Variants in B3GALNT2 observed in about 807,000 individuals in gnomAD.
B3GALNT2 encodes UDP-GalNAc:beta-1,3-N-acetylgalactosaminyltransferase 2.
In B3GALNT2, 53 loss-of-function variants were observed where a neutral mutation model predicts 61.1. The observed-to-expected ratio is 0.87, with a 90% CI of 0.70 to 1.09. The LOEUF (loss-of-function observed/expected upper bound fraction) is 1.09. Ranked by LOEUF, B3GALNT2 falls within the 50% of genes least tolerant of loss-of-function variation. The pLI is 0.00. For missense variants in B3GALNT2, 544 were observed against 623.0 expected, an observed-to-expected ratio of 0.87 and a Z score of 1.35; for synonymous variants, 223 against 237.4, an observed-to-expected ratio of 0.94 and a Z score of 0.56.
At chr1:235,489,424 A>G (rs1684961530) in intron 2 of B3GALNT2, among the ~76,000 whole-genome samples, 156 bp from the exon 3 acceptor site, 1 of 152,144 alleles carries the variant, frequency 6.6e-6, no homozygotes, top group African/African-American at 2.4e-5. Context: ...ATGGGGGAAC[A>G]AGTAAACTGA....
At chr1:235,476,866 T>A (rs1209089257) in intron 5 of B3GALNT2, among the ~76,000 whole-genome samples, 4 of 148,876 alleles carry the variant, frequency 2.7e-5, no homozygotes, top group Non-Finnish European at 6.0e-5. Context: ...AAAAAAAAGA[T>A]ATAAAAAATT....
chr1:235,474,987 A>ATATATATATTTTTTTT (rs1180244284), intron 5 of B3GALNT2, among the ~76,000 whole-genome samples: 2 of 35,574 alleles, frequency 5.6e-5, no homozygotes, highest in Non-Finnish European at 4.9e-5. Context: ...ATATATATAT[A>ATATATATATTTTTTTT]TTTTTTTTTT....
At chr1:235,474,985 A>ATT (rs1558425516) in intron 5 of B3GALNT2, among the ~76,000 whole-genome samples, 105 of 37,778 alleles carry the variant, frequency 2.8e-3, no homozygotes, top group Middle Eastern at 0.019. Flanking sequence ...ATATATATAT[A>ATT]TATTTTTTTT....
rs868158210 is a variant in B3GALNT2 at position 235,465,394 on chromosome 1, G to C, written c.841+242C>G. 11 of 441,506 alleles carry C rather than the reference G, an allele frequency of 2.5e-5. No homozygotes were observed. The Middle Eastern group carries it at 2.6e-3, about 104-fold the overall frequency. The allele number at this position is 441,506 out of a possible 1,614,324, so 27.3% of individuals were successfully genotyped here. On this transcript the variant is annotated intron_variant, in intron 7 of 11. Transcript: ENST00000366600. ...AGTGCATCAGTAGTTGTTAGGGGGT[G>C]GGGGGTTGGGGAGGTAAGAATGAGG...
rs1475386927 is a variant in B3GALNT2, at chr1:235,447,297, A to G, written c.*2909T>C. On this transcript the variant is annotated 3_prime_UTR_variant, in exon 12 of 12. Coordinates refer to ENST00000366600, the MANE Select transcript of B3GALNT2 (RefSeq NM_152490.5). ...TACAAAAATGATTTTTGATAGAAAA[A>G]TATGTTTGAATACACTGTGATATTT... Among the ~76,000 whole-genome samples the G allele has an allele frequency of 6.6e-6, 1 of 152,232 alleles. No individual in the cohort carries two copies.
chr1:235,488,780 A>C (rs1479793752), intron 3 of B3GALNT2, among the ~76,000 whole-genome samples: 1 of 150,200 alleles, frequency 6.7e-6, no homozygotes, highest in African/African-American at 2.4e-5. Flanking sequence ...ACTCCAGGGC[A>C]TGGTGGCTCA....
Position 235,448,965 on chromosome 1 carries a change from C to A in B3GALNT2, c.*1241G>T. The A allele has an allele frequency of 2.0e-6, 1 of 502,618 alleles. No individual in the cohort carries two copies. Among genetic ancestry groups the A allele is most frequent in the Non-Finnish European group, 3.6e-6 (1 of 276,308 alleles). 31.1% of individuals were successfully genotyped at this position (502,618 alleles called of 1,614,324 possible). On this transcript the variant is annotated 3_prime_UTR_variant, in exon 12 of 12. Transcript: ENST00000366600. Reference sequence around the variant, plus strand: ...AGCAATAATAAAGGCTTTGAACCTACTAATGATTTTCTGATCTTATTTCAT... The same window carrying A: ...AGCAATAATAAAGGCTTTGAACCTAATAATGATTTTCTGATCTTATTTCAT...
chr1:235,441,647 C>T, the B3GALNT2 span: 7 of 630,300 alleles, frequency 1.1e-5, 1 homozygote, highest in Admixed American at 5.3e-5. Flanking sequence ...TGGAAGTGGT[C>T]GTTGTCCATC....
chr1:235,469,269 C>G (rs925430838), intron 6 of B3GALNT2, among the ~76,000 whole-genome samples: 2 of 152,184 alleles, frequency 1.3e-5, no homozygotes, highest in African/African-American at 4.8e-5. Context: ...GGTTAATATT[C>G]ATTCACTAAG....
Position 235,458,799 on chromosome 1 carries a change from A to G in B3GALNT2, c.842-13T>C. 6.4e-7 allele frequency: 1 copy of G among 1,561,742 alleles called. No homozygotes were observed. Among genetic ancestry groups the G allele is most frequent in the Non-Finnish European group, 8.6e-7 (1 of 1,156,458 alleles). ...AGAGCATCACCTTCTATAAAGGAAA[A>G]GTTGAGAGTTGGAGAAAAATGCTGT... On this transcript the variant is annotated splice_polypyrimidine_tract_variant and intron_variant, in intron 7 of 11. Coordinates refer to ENST00000366600, the MANE Select transcript of B3GALNT2 (RefSeq NM_152490.5).
intron 8 of B3GALNT2, among the ~76,000 whole-genome samples, chr1:235,457,111 AAAAT>A (rs10668990): frequency 0.59 from 88,437 of 149,292 alleles, 26,646 homozygotes; most frequent in African/African-American, 0.68. Flanking sequence ...TTTCTATTAA[AAAAT>A]AAATAAATAA....
At chr1:235,482,271 T>A (rs563430672) in intron 4 of B3GALNT2, among the ~76,000 whole-genome samples, 26 of 152,222 alleles carry the variant, frequency 1.7e-4, no homozygotes, top group African/African-American at 6.3e-4. Context: ...TGACTCTTTG[T>A]CTGAGGATAC....
chr1:235,448,329 C>CTT lies in B3GALNT2; in HGVS notation c.*1875_*1876dup. 1 of 1,608,966 alleles carries CTT rather than the reference C, an allele frequency of 6.2e-7. No individual in the cohort carries two copies. Among genetic ancestry groups the CTT allele is most frequent in the Non-Finnish European group, 8.5e-7 (1 of 1,176,226 alleles). The stretch of plus-strand genomic sequence containing the variant: ...ACTGTCATTTGAGAGAACGAATGGA[C>CTT]TTTTCTTGTCTTTTGATAGGCTCCA... On this transcript the variant is annotated 3_prime_UTR_variant, in exon 12 of 12. Coordinates refer to ENST00000366600, the MANE Select transcript of B3GALNT2 (RefSeq NM_152490.5).
At position 235,448,788 on chromosome 1, in the gene B3GALNT2, C is replaced by A. The variant is rs904571818; in HGVS notation, c.*1418G>T. The A allele has an allele frequency of 2.0e-6, 3 of 1,484,130 alleles. No homozygotes were observed. Among genetic ancestry groups the A allele is most frequent in the African/African-American group, 2.8e-5 (2 of 72,188 alleles). The allele number at this position is 1,484,130 out of a possible 1,614,324, so 91.9% of individuals were successfully genotyped here. A position where few individuals can be genotyped will look rare whatever the true frequency, so the allele number is the denominator to read the frequency against. ...CAACCAACTAATAAAATTTAAAGAC[C>A]ACACTGCTTATCGTGTCTGGGGTTC... On this transcript the variant is annotated 3_prime_UTR_variant, in exon 12 of 12. Transcript: ENST00000366600.
At chr1:235,463,440 TTTTC>T (rs1327879130) in intron 7 of B3GALNT2, 10 of 150,046 alleles carry the variant, frequency 6.7e-5, no homozygotes, top group South Asian at 2.1e-4. Context: ...TCCAGCTAGG[TTTTC>T]TTTTTTTTTT....
At chr1:235,500,082 G>A (rs892208852) in intron 1 of B3GALNT2, among the ~76,000 whole-genome samples, 1 of 152,102 alleles carries the variant, frequency 6.6e-6, no homozygotes, top group Admixed American at 6.5e-5. Flanking sequence ...TTGGGGTATT[G>A]TTTTCTTCTG....
At chr1:235,442,323 A>G (rs1681947420), downstream of B3GALNT2, among the ~76,000 whole-genome samples, 1 of 152,158 alleles carries the variant, frequency 6.6e-6, no homozygotes, top group South Asian at 2.1e-4. Context: ...GGCATGCGCC[A>G]CCACACCCAG....
chr1:235,480,008 A>G, intron 5 of B3GALNT2, 46 bp downstream of exon 5: 1 of 1,609,148 alleles, frequency 6.2e-7, no homozygotes, highest in Non-Finnish European at 8.5e-7. Flanking sequence ...GCCCACTCCT[A>G]TGAAGGACTG....
At position 235,490,814 on chromosome 1, in the gene B3GALNT2, A is replaced by G. The variant is rs528764558; in HGVS notation, c.261-1546T>C. Among the ~76,000 whole-genome samples the G allele has an allele frequency of 3.1e-4, 47 of 152,222 alleles. No individual in the cohort carries two copies. In the South Asian group the frequency reaches 9.5e-3, roughly 31 times the overall value. On this transcript the variant is annotated intron_variant, in intron 2 of 11. Coordinates refer to ENST00000366600, the MANE Select transcript of B3GALNT2 (RefSeq NM_152490.5). ...TACTATTATGTTCTTGAGATCATTT[A>G]TATTTATTACATCTACATGGTGGAA...
Sources: allele counts gnomAD v4.1 joint callset (sites outside exome capture counted in the v4.1 genomes callset), GRCh38; gene constraint gnomAD v4.1.1; transcripts MANE v1.5; gene names NCBI Gene and HGNC (gene_info 2026-07-23, HGNC 2026-07-21).